The following CDH18 variants were observed in gnomAD, a reference collection of about 807,000 sequenced individuals.
CDH18 encodes the protein cadherin-18.
CDH18 carries 31 observed loss-of-function variants against 67.9 expected under a neutral mutation model. The observed-to-expected ratio is 0.46, with a 90% CI of 0.34 to 0.62. The LOEUF (loss-of-function observed/expected upper bound fraction) is 0.62, where lower values mean the gene tolerates loss of function less well. Ranked by LOEUF, CDH18 falls within the 20% of genes least tolerant of loss-of-function variation. CDH18 has a pLI of 0.01. For missense variants in CDH18, 890 were observed against 975.5 expected (o/e 0.91, Z 1.17); for synonymous variants, 362 against 347.2 (o/e 1.04, Z -0.48).
At chr5:20,124,238 T>C (rs1748632809) in intron 2 of CDH18, among the ~76,000 whole-genome samples, 1 of 152,188 alleles carries the variant, frequency 6.6e-6, no homozygotes, top group South Asian at 2.1e-4. Flanking sequence ...TTTCTATTTT[T>C]GTTGCTTGTC....
intron 10 of CDH18, among the ~76,000 whole-genome samples, chr5:19,511,965 T>G (rs1745196415): frequency 6.6e-6 from 1 of 152,094 alleles, no homozygotes; most frequent in Admixed American, 6.6e-5. Flanking sequence ...GCCCCTCCCA[T>G]CACCAACCTA....
intron 5 of CDH18, among the ~76,000 whole-genome samples, chr5:19,693,236 G>A (rs1411373912): frequency 6.6e-6 from 1 of 151,974 alleles, no homozygotes; most frequent in Non-Finnish European, 1.5e-5. Flanking sequence ...AGTTATCAGA[G>A]GCTTGGTTAA....
At chr5:19,899,839 A>G (rs1397411945) in intron 2 of CDH18, among the ~76,000 whole-genome samples, 1 of 152,180 alleles carries the variant, frequency 6.6e-6, no homozygotes, top group Non-Finnish European at 1.5e-5. Flanking sequence ...CCAGTCACAA[A>G]AGGACAAATA....
intron 11 of CDH18, among the ~76,000 whole-genome samples, chr5:19,486,392 C>G (rs568224991): frequency 5.9e-5 from 9 of 151,924 alleles, no homozygotes; most frequent in African/African-American, 2.2e-4. Flanking sequence ...CCCACATGTA[C>G]ATATATATGT....
intron 2 of CDH18, among the ~76,000 whole-genome samples, chr5:20,029,703 A>G (rs557494476): frequency 1.1e-4 from 17 of 152,336 alleles, no homozygotes; most frequent in African/African-American, 3.8e-4. Flanking sequence ...AGAATTCAGA[A>G]GGATATCTTG....
chr5:19,810,258 G>A (rs1000304204), intron 3 of CDH18, among the ~76,000 whole-genome samples: 2 of 152,062 alleles, frequency 1.3e-5, no homozygotes, highest in African/African-American at 4.8e-5. Flanking sequence ...TTGAACTTGG[G>A]AGGTGGAGGT....
At chr5:19,953,455 T>C (rs1795989394) in intron 2 of CDH18, among the ~76,000 whole-genome samples, 1 of 152,006 alleles carries the variant, frequency 6.6e-6, no homozygotes, top group Non-Finnish European at 1.5e-5. Flanking sequence ...TTTCTGTTTG[T>C]TTATTATACT....
At chr5:19,743,857 G>C (rs572018083) in intron 4 of CDH18, among the ~76,000 whole-genome samples, 88 of 145,080 alleles carry the variant, frequency 6.1e-4, no homozygotes, top group Non-Finnish European at 1.1e-3. Context: ...GGAGGCAGAG[G>C]TTGAAGTGAG....
rs79674210 is a variant in CDH18, at chr5:20,173,953, A to C, written c.-518+81491T>G. ...TGAGAATTAATGCTAACATGATTAAATGTACAAAGTAAGCCATGATGTGGG... is the reference window on the plus strand; with the variant it reads ...TGAGAATTAATGCTAACATGATTAACTGTACAAAGTAAGCCATGATGTGGG... On this transcript the variant is annotated intron_variant, in intron 2 of 14. Coordinates refer to the CDH18 transcript ENST00000507958. Among the ~76,000 whole-genome samples, 466 of 152,298 alleles carry C rather than the reference A, an allele frequency of 3.1e-3. 23 individuals carry two copies. In the East Asian group the frequency reaches 0.081, roughly 27 times the overall value.
intron 2 of CDH18, among the ~76,000 whole-genome samples, chr5:19,926,252 T>A (rs1793075776): frequency 6.6e-6 from 1 of 152,188 alleles, no homozygotes; most frequent in South Asian, 2.1e-4. Context: ...AATCAGTGAT[T>A]TTAATTTCAC....
intron 2 of CDH18, among the ~76,000 whole-genome samples, chr5:19,927,197 T>A (rs1197816693): frequency 6.6e-6 from 1 of 152,180 alleles, no homozygotes; most frequent in South Asian, 2.1e-4. Flanking sequence ...TTGTATGCTA[T>A]GCTAACCTGC....
At chr5:20,232,474 T>A (rs1742151535) in intron 2 of CDH18, among the ~76,000 whole-genome samples, 1 of 152,062 alleles carries the variant, frequency 6.6e-6, no homozygotes, top group African/African-American at 2.4e-5. Flanking sequence ...GCCATTAGAG[T>A]TATTTTTAGT....
At chr5:19,964,661 A>G (rs1222253289) in intron 2 of CDH18, among the ~76,000 whole-genome samples, 36 of 150,162 alleles carry the variant, frequency 2.4e-4, no homozygotes, top group African/African-American at 8.9e-4. Flanking sequence ...AAAAAAAAAA[A>G]GAAAAAAAAA....
rs542409645 is a variant in CDH18, at chr5:20,200,973, T to C, written c.-518+54471A>G. 7.2e-5 allele frequency among the ~76,000 whole-genome samples: 11 copies of C among 152,254 alleles called. No individual in the cohort carries two copies. The East Asian group carries it at 1.9e-3, about 27-fold the overall frequency. On this transcript the variant is annotated intron_variant, in intron 2 of 14. Transcript: ENST00000507958. ...TCTTATTTTCATTGTTTCCCTGTAA[T>C]CTAATTGTATTATCTTCTTAAGGTT... is the stretch of plus-strand genomic sequence containing the variant.
chr5:20,321,661 TCTC>T (rs893816296), intron 1 of CDH18, among the ~76,000 whole-genome samples: 1 of 152,142 alleles, frequency 6.6e-6, no homozygotes, highest in Non-Finnish European at 1.5e-5. Flanking sequence ...TCCTTTATTC[TCTC>T]CTTTCTTTCT....
At chr5:19,636,791 C>T (rs532390520) in intron 5 of CDH18, among the ~76,000 whole-genome samples, 2 of 151,570 alleles carry the variant, frequency 1.3e-5, no homozygotes, top group Admixed American at 6.6e-5. Context: ...AAAAAAAATG[C>T]CTTTGGATGT....
At chr5:19,669,127 T>C (rs1580785027) in intron 5 of CDH18, among the ~76,000 whole-genome samples, 1 of 146,814 alleles carries the variant, frequency 6.8e-6, no homozygotes, top group Admixed American at 6.9e-5. Context: ...ATATATATTA[T>C]ATAATATATC....
chr5:20,443,257 C>T (rs1431792650), intron 1 of CDH18, among the ~76,000 whole-genome samples: 1 of 142,220 alleles, frequency 7.0e-6, no homozygotes, highest in Admixed American at 7.0e-5. Context: ...ATAAGAGTGA[C>T]TAAGAAAGCT....
At chr5:20,004,900 A>G (rs1021000715) in intron 2 of CDH18, among the ~76,000 whole-genome samples, 1 of 152,164 alleles carries the variant, frequency 6.6e-6, no homozygotes, top group Non-Finnish European at 1.5e-5. Context: ...TGAAGACCCA[A>G]TAAAATGAGT....
Sources: gnomAD v4.1 joint callset for allele counts (sites outside exome capture counted in the v4.1 genomes callset) on GRCh38, gnomAD v4.1.1 for gene constraint, MANE v1.5 for transcripts, NCBI Gene and HGNC (gene_info 2026-07-23, HGNC 2026-07-21) for gene names.